The following TASL variants were observed in gnomAD, a reference collection of about 807,000 sequenced individuals.
The protein encoded by TASL is TLR adapter interacting with SLC15A4 on the lysosome.
Under a neutral mutation model 12.9 loss-of-function variants are expected in TASL, and 6 were observed. The ratio of observed to expected loss-of-function variants is 0.46; its 90% CI spans 0.25 to 0.92. The LOEUF (loss-of-function observed/expected upper bound fraction) is 0.92, where lower values mean the gene tolerates loss of function less well. Among genes scored for constraint, TASL ranks in the 40% least tolerant of loss-of-function variants. The pLI is 0.17. For synonymous variants in TASL, 85 were observed against 79.3 expected (o/e 1.07, Z -0.38); for missense variants, 165 against 212.8 (o/e 0.78, Z 1.40).
At chrX:30,577,004 C>T (rs1930716451) in intron 1 of TASL, 138 bp from the exon 2 acceptor site, 1 of 112,444 alleles carries the variant, frequency 8.9e-6, no homozygotes, top group African/African-American at 3.2e-5. Flanking sequence ...TCCACTCGTA[C>T]ATGCGCTATC....
At chrX:30,571,246 G>GAA (rs149705944) in intron 2 of TASL, among the ~76,000 whole-genome samples, 6 of 47,075 alleles carry the variant, frequency 1.3e-4, no homozygotes, top group Admixed American at 2.9e-4. Flanking sequence ...GAAGGAAAAA[G>GAA]AGAAAGAAAG....
chrX:30,571,694 C>T (rs1010075250), intron 2 of TASL, among the ~76,000 whole-genome samples: 1 of 110,735 alleles, frequency 9.0e-6, no homozygotes, highest in Non-Finnish European at 1.9e-5. Context: ...CAGCATTGCA[C>T]ATCACAATAT....
chrX:30,565,703 T>G (rs1247500000), intron 2 of TASL, among the ~76,000 whole-genome samples: 1 of 112,218 alleles, frequency 8.9e-6, no homozygotes, highest in African/African-American at 3.2e-5. Flanking sequence ...TAGAAAATAG[T>G]GAAGGTGATA....
intron 2 of TASL, among the ~76,000 whole-genome samples, chrX:30,571,055 C>A (rs1259661500): frequency 1.8e-5 from 2 of 108,327 alleles, no homozygotes; most frequent in Non-Finnish European, 3.8e-5. Flanking sequence ...TGGCACATGC[C>A]TGTAATCCCA....
intron 2 of TASL, among the ~76,000 whole-genome samples, chrX:30,569,174 A>G (rs1426525095): frequency 1.8e-5 from 2 of 110,968 alleles, no homozygotes; most frequent in Admixed American, 9.6e-5. Flanking sequence ...GCAGAGTGAG[A>G]TTGGTATTAA....
chrX:30,573,438 G>A (rs904959714), intron 2 of TASL, among the ~76,000 whole-genome samples: 1 of 112,846 alleles, frequency 8.9e-6, no homozygotes, highest in African/African-American at 3.2e-5. Flanking sequence ...ACTCACCCCA[G>A]AGGGGTGGCC....
At chrX:30,568,094 C>T (rs747531035) in intron 2 of TASL, among the ~76,000 whole-genome samples, 42 of 110,666 alleles carry the variant, frequency 3.8e-4, no homozygotes, top group Non-Finnish European at 3.6e-4. Context: ...ATAAATTAGC[C>T]GGGCGTGGTG....
At chrX:30,567,208 T>TGAGGCAGCA (rs1930509978) in intron 2 of TASL, among the ~76,000 whole-genome samples, 1 of 107,962 alleles carries the variant, frequency 9.3e-6, no homozygotes, top group Non-Finnish European at 1.9e-5. Context: ...CCCAGGAGTT[T>TGAGGCAGCA]GAGGCAGCAG....
At chrX:30,568,986 A>AAT (rs1930546841) in intron 2 of TASL, among the ~76,000 whole-genome samples, 1 of 99,972 alleles carries the variant, frequency 1.0e-5, no homozygotes, top group Admixed American at 1.1e-4. Flanking sequence ...AAAAAAAAAA[A>AAT]GGAAAAAAGA....
intron 2 of TASL, among the ~76,000 whole-genome samples, chrX:30,568,515 G>A (rs1352752273): frequency 1.8e-5 from 2 of 111,077 alleles, no homozygotes; most frequent in Non-Finnish European, 3.8e-5. Flanking sequence ...ACCAATGTAG[G>A]TGGGGCGCAA....
At chrX:30,571,714 TTAGAG>T (rs1930630454) in intron 2 of TASL, among the ~76,000 whole-genome samples, 1 of 111,266 alleles carries the variant, frequency 9.0e-6, no homozygotes, top group East Asian at 2.8e-4. Flanking sequence ...TCCTCAAATT[TTAGAG>T]TAGAGACATC....
rs761685231 is a variant in TASL, at chrX:30,560,261, T to G, written c.95A>C (p.Glu32Ala). The G allele has an allele frequency of 3.2e-4, 386 of 1,208,489 alleles. No homozygotes were observed. In the South Asian group the frequency reaches 6.3e-3, roughly 20 times the overall value. ...GGTAGCAACAGAATTTGTCTCCTCT[T>G]CCTTTTCCCCAGCCACCTGCTCATT... ...SYNEQVAGEKEEETNSVATLS... is the reference protein window; with the variant it reads ...SYNEQVAGEKAEETNSVATLS... Residue 32 changes from glutamate to alanine, a missense_variant, in exon 3 of 3, where the codon GAA (glutamate) becomes GCA (alanine). Glu to Ala is a moderately radical substitution (Grantham distance 107). Transcript: ENST00000378962.
chrX:30,562,113 T>A (rs1930434561), intron 2 of TASL, among the ~76,000 whole-genome samples: 1 of 112,165 alleles, frequency 8.9e-6, no homozygotes, highest in Non-Finnish European at 1.9e-5. Flanking sequence ...GCATAAATGA[T>A]CGTTGACTTT....
chrX:30,567,057 G>A (rs1930507753), intron 2 of TASL, among the ~76,000 whole-genome samples: 2 of 111,365 alleles, frequency 1.8e-5, no homozygotes, highest in South Asian at 7.5e-4. Flanking sequence ...GGGAGGCTGA[G>A]GCGGGAGAAT....
At chrX:30,562,897 TACAC>T (rs72184120) in intron 2 of TASL, among the ~76,000 whole-genome samples, 23,666 of 84,927 alleles carry the variant, frequency 0.28, 2,905 homozygotes, top group East Asian at 0.66. Flanking sequence ...AAAGGTATAA[TACAC>T]ACACACACAC....
rs1450963722 is a variant in TASL, at chrX:30,569,239, G to T, written c.-2+7513C>A. 7.2e-5 allele frequency among the ~76,000 whole-genome samples: 8 copies of T among 111,174 alleles called. No homozygotes were observed. In the Admixed American group the frequency reaches 7.7e-4, roughly 11 times the overall value. Reference sequence around the variant, plus strand: ...TCCCAGCCTGAGATGACTGGGACAGGAACCAGGAGGGAGGTAGGAGAAAAG... The same window carrying T: ...TCCCAGCCTGAGATGACTGGGACAGTAACCAGGAGGGAGGTAGGAGAAAAG... On this transcript the variant is annotated intron_variant, in intron 2 of 2. Coordinates refer to ENST00000378962, the MANE Select transcript of TASL (RefSeq NM_025159.3).
chrX:30,559,561 T>C lies in TASL; in HGVS notation c.795A>G (p.Ser265=). Reference sequence around the variant, plus strand: ...GGCTAAAGACTATATCTCTGGCTTTTGAGGTCTCCAGATTCTTCTCTCTAG... The same window carrying C: ...GGCTAAAGACTATATCTCTGGCTTTCGAGGTCTCCAGATTCTTCTCTCTAG... ...QVSREKNLET[S]KARDIVFSRL... The change falls in exon 3 of 3, where the codon TCA becomes TCG. Residue 265 remains serine, a synonymous_variant. Transcript: ENST00000378962. The C allele has an allele frequency of 8.3e-7, 1 of 1,209,900 alleles. No individual in the cohort carries two copies. Among genetic ancestry groups the C allele is most frequent in the Non-Finnish European group, 1.1e-6 (1 of 893,800 alleles).
At chrX:30,575,389 A>C (rs139022238) in intron 2 of TASL, among the ~76,000 whole-genome samples, 1 of 111,548 alleles carries the variant, frequency 9.0e-6, no homozygotes, top group Non-Finnish European at 1.9e-5. Context: ...ACCTCCCTGT[A>C]TAAAATAGCA....
At chrX:30,568,734 T>C (rs1484333821) in intron 2 of TASL, among the ~76,000 whole-genome samples, 1 of 111,041 alleles carries the variant, frequency 9.0e-6, no homozygotes, top group Non-Finnish European at 1.9e-5. Context: ...CCTGATAATC[T>C]CCACACTCCT....
Sources: allele counts gnomAD v4.1 joint callset (sites outside exome capture counted in the v4.1 genomes callset), GRCh38; gene constraint gnomAD v4.1.1; transcripts MANE v1.5; gene names NCBI Gene and HGNC (gene_info 2026-07-23, HGNC 2026-07-21).